Variants in CALN1 observed in about 807,000 individuals in gnomAD.
CALN1 encodes calcium-binding protein 8.
CALN1 carries 17 observed loss-of-function variants against 30.6 expected under a neutral mutation model. The observed-to-expected ratio is 0.56, with a 90% CI of 0.38 to 0.83. The LOEUF (loss-of-function observed/expected upper bound fraction) is 0.83, where lower values mean the gene tolerates loss of function less well. Ranked by LOEUF, CALN1 falls within the 40% of genes least tolerant of loss-of-function variation. CALN1 has a pLI of 0.00. For synonymous variants in CALN1, 156 were observed against 131.4 expected, an observed-to-expected ratio of 1.19 and a Z score of -1.28; for missense variants, 291 against 354.9, an observed-to-expected ratio of 0.82 and a Z score of 1.45.
Position 71,952,853 on chromosome 7 carries a change from C to T in CALN1, c.501+70804G>A, listed in dbSNP as rs551525254. Reference sequence around the variant, plus strand: ...AAGCTCATCAATACCTGTCCAGCTTCTTCTAATCCCCAGAAAGTCTTCTTC... The same window carrying T: ...AAGCTCATCAATACCTGTCCAGCTTTTTCTAATCCCCAGAAAGTCTTCTTC... On this transcript the variant is annotated intron_variant, in intron 5 of 6. Coordinates refer to ENST00000395275, the MANE Select transcript of CALN1 (RefSeq NM_031468.4). Among the ~76,000 whole-genome samples, 6 of 152,330 alleles carry T rather than the reference C, an allele frequency of 3.9e-5. No individual in the cohort carries two copies. In the South Asian group the frequency reaches 1.2e-3, roughly 32 times the overall value.
intron 5 of CALN1, among the ~76,000 whole-genome samples, chr7:71,997,252 A>G (rs541122083): frequency 6.6e-6 from 1 of 152,224 alleles, no homozygotes; most frequent in Admixed American, 6.5e-5. Flanking sequence ...AAAGAAAGAA[A>G]GAAAGAATCA....
chr7:72,486,075 G>A, the CALN1 span, among the ~76,000 whole-genome samples: 5 of 152,082 alleles, frequency 3.3e-5, no homozygotes, highest in African/African-American at 7.2e-5. Flanking sequence ...TACACACCTA[G>A]GCTAGATGAT....
At chr7:72,183,364 A>C (rs562102232) in intron 3 of CALN1, among the ~76,000 whole-genome samples, 2 of 152,334 alleles carry the variant, frequency 1.3e-5, no homozygotes, top group African/African-American at 4.8e-5. Context: ...AAGTCAAAAC[A>C]AAAAGACGAA....
At chr7:71,983,428 T>A (rs1211649463) in intron 5 of CALN1, among the ~76,000 whole-genome samples, 2 of 152,150 alleles carry the variant, frequency 1.3e-5, no homozygotes, top group African/African-American at 2.4e-5. Context: ...TCCAACAGTG[T>A]CTCTATTCAC....
At chr7:71,795,368 C>T (rs1786835782) in intron 6 of CALN1, among the ~76,000 whole-genome samples, 2 of 152,152 alleles carry the variant, frequency 1.3e-5, no homozygotes, top group South Asian at 4.1e-4. Context: ...CTTTTCTTTC[C>T]TCTGAGGTTT....
chr7:71,931,644 T>C (rs557120016), intron 5 of CALN1, among the ~76,000 whole-genome samples: 1 of 152,324 alleles, frequency 6.6e-6, no homozygotes, highest in Admixed American at 6.5e-5. Flanking sequence ...TTTCACGACA[T>C]GGTAGTAGGT....
intron 4 of CALN1, among the ~76,000 whole-genome samples, chr7:72,066,829 T>C (rs1755170916): frequency 6.6e-6 from 1 of 151,770 alleles, no homozygotes; most frequent in Non-Finnish European, 1.5e-5. Flanking sequence ...TTGCCCAAGC[T>C]AGAATACAGT....
chr7:72,256,351 T>A (rs972246968), intron 3 of CALN1, among the ~76,000 whole-genome samples: 1 of 152,038 alleles, frequency 6.6e-6, no homozygotes. Flanking sequence ...TCCCAGCTAC[T>A]TGGGAGGCTG....
chr7:71,971,833 G>A (rs1797816851), intron 5 of CALN1, among the ~76,000 whole-genome samples: 4 of 150,518 alleles, frequency 2.7e-5, no homozygotes, highest in Admixed American at 2.0e-4. Context: ...GGGAGGCTGA[G>A]GCTGCATTGA....
At chr7:72,047,453 G>A (rs1802542014) in intron 4 of CALN1, among the ~76,000 whole-genome samples, 1 of 152,118 alleles carries the variant, frequency 6.6e-6, no homozygotes, top group Non-Finnish European at 1.5e-5. Flanking sequence ...GCTGGGTGTG[G>A]TGGTGAGTGC....
At chr7:72,487,854 G>GAGAAAGAAAGAAAGAA in the CALN1 span, among the ~76,000 whole-genome samples, 25 of 69,532 alleles carry the variant, frequency 3.6e-4, 1 homozygote, top group South Asian at 1.0e-3. Flanking sequence ...GAAAAAGAAA[G>GAGAAAGAAAGAAAGAA]AGAAAGAAAG....
rs2129563120 is a variant in CALN1, at chr7:72,412,308, A to G, written c.-324T>C. 1 of 151,998 alleles carries G rather than the reference A, an allele frequency of 6.6e-6. No individual in the cohort carries two copies. Among genetic ancestry groups the G allele is most frequent in the East Asian group, 1.9e-4 (1 of 5,168 alleles). 9.4% of individuals were successfully genotyped at this position (151,998 alleles called of 1,614,324 possible). A position where few individuals can be genotyped will look rare whatever the true frequency, so the allele number is the denominator to read the frequency against. ...AAGAAGCAGGAAAGAAAAAAACACA[A>G]ACTCAAGCGGATAGCACCCCAGCGA... On this transcript the variant is annotated 5_prime_UTR_variant, in exon 1 of 7. Coordinates refer to ENST00000395275, the MANE Select transcript of CALN1 (RefSeq NM_031468.4).
intron 2 of CALN1, among the ~76,000 whole-genome samples, chr7:72,399,639 A>C (rs1352319534): frequency 6.6e-6 from 1 of 152,130 alleles, no homozygotes; most frequent in Non-Finnish European, 1.5e-5. Context: ...CTTCTTAAAA[A>C]GCTCCAACTT....
At chr7:72,277,554 G>A (rs1267780003) in intron 3 of CALN1, among the ~76,000 whole-genome samples, 2 of 152,216 alleles carry the variant, frequency 1.3e-5, no homozygotes, top group East Asian at 1.9e-4. Context: ...CCAGCCCACC[G>A]GGGCCACATC....
At chr7:72,047,464 C>T (rs184256435) in intron 4 of CALN1, among the ~76,000 whole-genome samples, 2 of 152,264 alleles carry the variant, frequency 1.3e-5, no homozygotes, top group East Asian at 3.9e-4. Flanking sequence ...TGGTGAGTGC[C>T]TGTAGTCCCA....
At chr7:72,271,281 C>T (rs1474288007) in intron 3 of CALN1, among the ~76,000 whole-genome samples, 1 of 151,908 alleles carries the variant, frequency 6.6e-6, no homozygotes, top group Non-Finnish European at 1.5e-5. Context: ...CGTAGATGCT[C>T]GGGCAGAAGG....
At chr7:72,478,251 T>C in the CALN1 span, among the ~76,000 whole-genome samples, 2 of 148,044 alleles carry the variant, frequency 1.4e-5, no homozygotes, top group African/African-American at 4.9e-5. Flanking sequence ...ATATGTTATA[T>C]ATTATATATA....
chr7:71,946,355 ATTTC>A (rs1158447603), intron 5 of CALN1, among the ~76,000 whole-genome samples: 7 of 144,114 alleles, frequency 4.9e-5, no homozygotes, highest in South Asian at 2.2e-4. Flanking sequence ...AGCGGGTTCC[ATTTC>A]TTTCTTTCTT....
chr7:72,338,470 AGTGTGTGT>A (rs56695086), intron 2 of CALN1, among the ~76,000 whole-genome samples: 2,228 of 74,758 alleles, frequency 0.03, 55 homozygotes, highest in South Asian at 0.092. Context: ...CCAGCAGCAC[AGTGTGTGT>A]GTGTGTGTGT....
Sources: allele counts gnomAD v4.1 joint callset (sites outside exome capture counted in the v4.1 genomes callset), GRCh38; gene constraint gnomAD v4.1.1; transcripts MANE v1.5; gene names NCBI Gene and HGNC (gene_info 2026-07-23, HGNC 2026-07-21).